Variants in NRP2 observed in about 807,000 individuals in gnomAD.
NRP2 encodes the protein neuropilin 2.
A neutral mutation model predicts 110.4 loss-of-function variants in NRP2; 52 were observed. The observed-to-expected ratio is 0.47, with a 90% confidence interval of 0.38 to 0.59. The LOEUF (loss-of-function observed/expected upper bound fraction) is 0.59, where lower values mean the gene tolerates loss of function less well. NRP2 is among the 20% of genes least tolerant of loss of function. The pLI, the probability that NRP2 is intolerant of heterozygous loss-of-function variation, is 0.00. For synonymous variants in NRP2, 508 were observed against 468.9 expected (o/e 1.08, Z -1.08); for missense variants, 1,049 against 1,203.0 (o/e 0.87, Z 1.89).
intron 7 of NRP2, among the ~76,000 whole-genome samples, chr2:205,734,143 C>T (rs1430830331): frequency 2.0e-5 from 3 of 151,712 alleles, no homozygotes. Context: ...ACCGGCATCC[C>T]TACCTTCTCT....
intron 15 of NRP2, among the ~76,000 whole-genome samples, chr2:205,770,358 G>A (rs2058001895): frequency 6.6e-6 from 1 of 152,150 alleles, no homozygotes; most frequent in South Asian, 2.1e-4. Context: ...TGTCTCTTGG[G>A]CATAGAGGGG....
intron 7 of NRP2, among the ~76,000 whole-genome samples, chr2:205,738,980 C>A (rs1489521230): frequency 6.6e-6 from 1 of 152,160 alleles, no homozygotes; most frequent in Admixed American, 6.5e-5. Flanking sequence ...TTAACCTTAG[C>A]AAGCAGGAAA....
intron 16 of NRP2, among the ~76,000 whole-genome samples, chr2:205,794,304 G>A (rs932959277): frequency 1.3e-5 from 2 of 152,120 alleles, no homozygotes; most frequent in Non-Finnish European, 2.9e-5. Flanking sequence ...TAGAGACGGG[G>A]TTTCACCGTG....
At chr2:205,722,165 T>A (rs1223235150) in intron 3 of NRP2, 104 of 337,516 alleles carry the variant, frequency 3.1e-4, no homozygotes, top group African/African-American at 2.3e-3. Flanking sequence ...TCTCTCTCTC[T>A]CTCTCATACA....
intron 1 of NRP2, among the ~76,000 whole-genome samples, chr2:205,685,477 C>A (rs1467229614): frequency 6.6e-6 from 1 of 152,218 alleles, no homozygotes; most frequent in Non-Finnish European, 1.5e-5. Context: ...CCGCCGCCGC[C>A]GGCGACGAGA....
In NRP2 at chr2:205,797,029, T is replaced by C. The variant is rs1002890961; in HGVS notation, c.*1971T>C. ...AGTTCAACCAACAGCTGTTTATTCA[T>C]GTGTGTGTGTCTTTGCTGCTTTGAG... On this transcript the variant is annotated 3_prime_UTR_variant, in exon 17 of 17. Coordinates refer to ENST00000357785, the MANE Select transcript of NRP2 (RefSeq NM_003872.3). 1.3e-5 allele frequency: 2 copies of C among 152,660 alleles called. No homozygotes were observed. The highest frequency in any genetic ancestry group is 2.9e-5 in the Non-Finnish European group (2 of 68,056). The allele number at this position is 152,660 out of a possible 1,614,324, so 9.5% of individuals were successfully genotyped here.
chr2:205,717,356 C>T (rs2056921349), intron 3 of NRP2, among the ~76,000 whole-genome samples: 1 of 152,172 alleles, frequency 6.6e-6, no homozygotes, highest in South Asian at 2.1e-4. Context: ...GCCTTGTCAT[C>T]AAGAGGCCCA....
At chr2:205,782,127 G>A (rs749393770) in intron 15 of NRP2, among the ~76,000 whole-genome samples, 2 of 152,100 alleles carry the variant, frequency 1.3e-5, no homozygotes, top group Admixed American at 6.5e-5. Flanking sequence ...CAACCAAGCC[G>A]AAGCCATTCT....
Position 205,795,210 on chromosome 2 carries a change from C to A in NRP2, c.*152C>A. 2.4e-6 allele frequency: 2 copies of A among 848,622 alleles called. No homozygotes were observed. The highest frequency in any genetic ancestry group is 3.8e-6 in the Non-Finnish European group (2 of 526,746). The allele number at this position is 848,622 out of a possible 1,614,324, so 52.6% of individuals were successfully genotyped here. On this transcript the variant is annotated 3_prime_UTR_variant, in exon 17 of 17. Coordinates refer to ENST00000357785, the MANE Select transcript of NRP2 (RefSeq NM_003872.3). The stretch of plus-strand genomic sequence containing the variant: ...ATGGACAGGACAGAAAAGCGAGTCG[C>A]AGGAGGAAGGGAGATGCAGCCGCAC...
rs756579107 is a variant in NRP2 at position 205,752,930 on chromosome 2, A to G, written c.1999A>G (p.Thr667Ala). The G allele has an allele frequency of 6.2e-7, 1 of 1,614,118 alleles. No individual in the cohort carries two copies. Among genetic ancestry groups the G allele is most frequent in the Admixed American group, 1.7e-5 (1 of 60,036 alleles). ...GTATGACCATGCCAAGTGGCTCCGG[A>G]CCACCTGGGCCAGCAGCTCCAGCCC... is the stretch of plus-strand genomic sequence containing the variant. ...WMYDHAKWLR[T>A]TWASSSSPND... is the part of the protein sequence containing the mutation. The change falls in exon 12 of 17, where the codon ACC becomes GCC. Residue 667 changes from threonine (T) to alanine (A), a missense_variant. By Grantham distance (58) the Thr-to-Ala change is moderately conservative. Transcript: ENST00000357785.
intron 15 of NRP2, among the ~76,000 whole-genome samples, chr2:205,768,719 T>TG (rs529377948): frequency 4.3e-4 from 66 of 152,316 alleles, no homozygotes; most frequent in African/African-American, 1.5e-3. Flanking sequence ...AGGGTGCTCC[T>TG]GGTGGGCCGC....
chr2:205,770,070 C>T (rs751000139), intron 15 of NRP2, among the ~76,000 whole-genome samples: 3 of 152,116 alleles, frequency 2.0e-5, no homozygotes, highest in Non-Finnish European at 4.4e-5. Context: ...GGCAGAGAGA[C>T]GATCTGGTGC....
At chr2:205,704,733 G>C (rs546083849) in intron 2 of NRP2, among the ~76,000 whole-genome samples, 11 of 152,328 alleles carry the variant, frequency 7.2e-5, no homozygotes, top group South Asian at 4.1e-4. Context: ...TGCAAGCTTC[G>C]CTGTAGATGC....
intron 14 of NRP2, 115 bp from the exon 15 acceptor site, chr2:205,766,668 C>CA: frequency 1.0e-6 from 1 of 963,784 alleles, no homozygotes; most frequent in Non-Finnish European, 1.7e-6. Context: ...TGGAGTGGTA[C>CA]AAAAAAACCG....
chr2:205,685,086 G>C (rs772121735), intron 1 of NRP2, among the ~76,000 whole-genome samples: 3 of 152,198 alleles, frequency 2.0e-5, no homozygotes, highest in Non-Finnish European at 4.4e-5. Context: ...GTCCCCGAGC[G>C]CTGCTTGGAG....
At chr2:205,784,432 G>T (rs1467810832) in intron 15 of NRP2, among the ~76,000 whole-genome samples, 3 of 152,200 alleles carry the variant, frequency 2.0e-5, no homozygotes, top group Non-Finnish European at 4.4e-5. Context: ...CCTCCCCATG[G>T]CTTCTCTAGG....
intron 11 of NRP2, chr2:205,752,401 G>A (rs558237228): frequency 3.5e-6 from 1 of 286,336 alleles, no homozygotes; most frequent in South Asian, 3.7e-5. Flanking sequence ...GGATGCTAAT[G>A]GGCTGCCCCA....
intron 15 of NRP2, among the ~76,000 whole-genome samples, chr2:205,786,266 T>C (rs1203673893): frequency 6.6e-6 from 1 of 152,212 alleles, no homozygotes; most frequent in Non-Finnish European, 1.5e-5. Context: ...TCCTTAGTCC[T>C]TTGTTATTTA....
intron 1 of NRP2, among the ~76,000 whole-genome samples, chr2:205,691,918 C>T (rs761723075): frequency 7.2e-5 from 11 of 152,170 alleles, no homozygotes; most frequent in Non-Finnish European, 1.2e-4. Flanking sequence ...TTACATTTTA[C>T]CGATTAAATG....
Sources: gnomAD v4.1 joint callset for allele counts (sites outside exome capture counted in the v4.1 genomes callset) on GRCh38, gnomAD v4.1.1 for gene constraint, MANE v1.5 for transcripts, NCBI Gene and HGNC (gene_info 2026-07-23, HGNC 2026-07-21) for gene names.